PPP1R16B: variants seen among roughly 807,000 people sequenced by gnomAD.
The protein encoded by PPP1R16B is protein phosphatase 1 regulatory inhibitor subunit 16B.
In PPP1R16B, 14 loss-of-function variants were observed where a neutral mutation model predicts 61.7. That is an observed-to-expected ratio of 0.23 (90% confidence interval 0.15 to 0.35). The LOEUF (loss-of-function observed/expected upper bound fraction) is 0.35, where lower values mean the gene tolerates loss of function less well. Among genes scored for constraint, PPP1R16B ranks in the 10% least tolerant of loss-of-function variants. The pLI is 1.00. For synonymous variants in PPP1R16B, 266 were observed against 305.3 expected (o/e 0.87, Z 1.34); for missense variants, 547 against 752.5 (o/e 0.73, Z 3.19).
intron 1 of PPP1R16B, among the ~76,000 whole-genome samples, chr20:38,814,874 G>T (rs2084725382): frequency 6.6e-6 from 1 of 152,042 alleles, no homozygotes; most frequent in Non-Finnish European, 1.5e-5. Context: ...TTCTCTTTAG[G>T]TCTCTTGACT....
chr20:38,895,702 C>A lies in PPP1R16B; in HGVS notation c.459C>A (p.Leu153=). 1 of 1,614,080 alleles carries A rather than the reference C, an allele frequency of 6.2e-7. No homozygotes were observed. Among genetic ancestry groups the A allele is most frequent in the Non-Finnish European group, 8.5e-7 (1 of 1,179,972 alleles). ...GCCACATCAACCTGGTGAAGATCCTCGTTCAGTAGTACGTGCCCCTCCCTG... is the reference window on the plus strand; with the variant it reads ...GCCACATCAACCTGGTGAAGATCCTAGTTCAGTAGTACGTGCCCCTCCCTG... ...TCGHINLVKI[L]VQYGADLLAV... is the part of the protein sequence containing the mutation. The change falls in exon 4 of 11, where the codon CTC becomes CTA. Residue 153 remains leucine, a synonymous_variant. Transcript: ENST00000299824.
chr20:38,807,511 A>G (rs2084670409), intron 1 of PPP1R16B, among the ~76,000 whole-genome samples: 1 of 151,986 alleles, frequency 6.6e-6, no homozygotes, highest in Non-Finnish European at 1.5e-5. Context: ...GAGTTTCCAC[A>G]TCTTCCTCCC....
intron 3 of PPP1R16B, among the ~76,000 whole-genome samples, chr20:38,892,186 T>C (rs1017524637): frequency 2.0e-5 from 3 of 152,056 alleles, no homozygotes; most frequent in Admixed American, 1.3e-4. Context: ...CCCTGTTGAG[T>C]TGCCATCCCT....
intron 1 of PPP1R16B, among the ~76,000 whole-genome samples, chr20:38,815,578 G>A (rs6071589): frequency 0.53 from 81,208 of 152,074 alleles, 21,775 homozygotes; most frequent in South Asian, 0.6. Flanking sequence ...TTGCTAACCT[G>A]TTCTCCAAAG....
At chr20:38,862,089 G>A (rs2085055765) in intron 2 of PPP1R16B, among the ~76,000 whole-genome samples, 1 of 152,188 alleles carries the variant, frequency 6.6e-6, no homozygotes, top group South Asian at 2.1e-4. Flanking sequence ...CAACTGTGTA[G>A]GGCCCCCCAG....
intron 10 of PPP1R16B, among the ~76,000 whole-genome samples, 170 bp from the exon 11 acceptor site, chr20:38,917,987 C>T (rs539657875): frequency 9.9e-5 from 15 of 152,202 alleles, no homozygotes; most frequent in African/African-American, 2.9e-4. Flanking sequence ...GTCAACTGTA[C>T]GGAAATTCAT....
intron 2 of PPP1R16B, among the ~76,000 whole-genome samples, chr20:38,865,576 C>G (rs111445439): frequency 6.3e-4 from 96 of 152,264 alleles, no homozygotes; most frequent in African/African-American, 2.0e-3. Flanking sequence ...CAGGCGTGAG[C>G]CGCCGCGCCC....
intron 2 of PPP1R16B, among the ~76,000 whole-genome samples, chr20:38,874,817 C>T (rs1353108844): frequency 6.6e-6 from 1 of 152,266 alleles, no homozygotes; most frequent in East Asian, 1.9e-4. Flanking sequence ...AGCCTCTTAC[C>T]AGCTGAGTAG....
At chr20:38,871,585 G>A (rs1246351383) in intron 2 of PPP1R16B, among the ~76,000 whole-genome samples, 1 of 133,670 alleles carries the variant, frequency 7.5e-6, no homozygotes, top group Non-Finnish European at 1.6e-5. Context: ...AGAGAGGAAC[G>A]AAGGGAGGGA....
chr20:38,893,693 G>A (rs1360580743), intron 3 of PPP1R16B, among the ~76,000 whole-genome samples: 2 of 152,032 alleles, frequency 1.3e-5, no homozygotes, highest in Admixed American at 6.6e-5. Context: ...CACTCCATGT[G>A]CGCCCCTGCA....
Position 38,918,110 on chromosome 20 carries a change from G to T in PPP1R16B, c.1195-47G>T. On this transcript the variant is annotated intron_variant, in intron 10 of 10. Coordinates refer to ENST00000299824, the MANE Select transcript of PPP1R16B (RefSeq NM_015568.4). This position sits in a 1 kb window ranked among gnomAD's most constrained non-coding sequence, Gnocchi z 5.3. ...CAGCAGAGAGACAGGTGGATAGTAG[G>T]TTCAGATCTTCCAGCCAGCTGGTAA... 1 of 1,601,038 alleles carries T rather than the reference G, an allele frequency of 6.2e-7. No individual in the cohort carries two copies. Among genetic ancestry groups the T allele is most frequent in the Non-Finnish European group, 8.5e-7 (1 of 1,171,370 alleles).
chr20:38,819,209 G>T (rs779324436), intron 1 of PPP1R16B, among the ~76,000 whole-genome samples: 1 of 152,216 alleles, frequency 6.6e-6, no homozygotes, highest in Non-Finnish European at 1.5e-5. Flanking sequence ...ATGGAGCTTA[G>T]TTTGCCCTTC....
chr20:38,807,461 A>C (rs2084670145), intron 1 of PPP1R16B, among the ~76,000 whole-genome samples: 1 of 152,170 alleles, frequency 6.6e-6, no homozygotes, highest in Admixed American at 6.5e-5. Context: ...AGACAGGTGC[A>C]GAAGTGGAGC....
chr20:38,807,988 G>A (rs1024754497), intron 1 of PPP1R16B, among the ~76,000 whole-genome samples: 4 of 152,214 alleles, frequency 2.6e-5, no homozygotes, highest in Admixed American at 6.5e-5. Flanking sequence ...AATTGACGGA[G>A]TGGAGGTTAA....
chr20:38,917,844 CA>C (rs2085554508), intron 10 of PPP1R16B, among the ~76,000 whole-genome samples: 1 of 152,172 alleles, frequency 6.6e-6, no homozygotes, highest in Admixed American at 6.5e-5. Context: ...GTTGTTCTAG[CA>C]AAAGTCCCAG....
At chr20:38,894,871 C>T (rs1166362824) in intron 3 of PPP1R16B, among the ~76,000 whole-genome samples, 1 of 152,242 alleles carries the variant, frequency 6.6e-6, no homozygotes, top group East Asian at 1.9e-4. Flanking sequence ...GGCCCTTCCC[C>T]CTTACTGGGG....
intron 7 of PPP1R16B, among the ~76,000 whole-genome samples, 199 bp downstream of exon 7, chr20:38,906,293 T>A (rs867144999): frequency 8.0e-6 from 1 of 124,338 alleles, no homozygotes; most frequent in Non-Finnish European, 1.8e-5. Context: ...GTTTTTTTTT[T>A]TTTTTTTTTT....
chr20:38,812,611 G>A (rs2084708461), intron 1 of PPP1R16B, among the ~76,000 whole-genome samples: 1 of 152,114 alleles, frequency 6.6e-6, no homozygotes, highest in Non-Finnish European at 1.5e-5. Context: ...AATTATAGAG[G>A]CCAGAGGTGT....
intron 2 of PPP1R16B, among the ~76,000 whole-genome samples, chr20:38,880,442 G>A (rs1012832083): frequency 6.6e-6 from 1 of 152,176 alleles, no homozygotes; most frequent in Admixed American, 6.5e-5. Context: ...TGAGGCAGGA[G>A]GATCACTTGA....
Sources: allele counts gnomAD v4.1 joint callset (sites outside exome capture counted in the v4.1 genomes callset), GRCh38; gene constraint gnomAD v4.1.1; non-coding constraint Gnocchi (gnomAD v3.1); transcripts MANE v1.5; gene names NCBI Gene and HGNC (gene_info 2026-07-23, HGNC 2026-07-21).